DNAJC11: variants seen among roughly 807,000 people sequenced by gnomAD.
The protein encoded by DNAJC11 is DnaJ heat shock protein family (Hsp40) member C11, also known as dnaJ homolog subfamily C member 11.
In DNAJC11, 15 loss-of-function variants were observed where a neutral mutation model predicts 78.6. That is an observed-to-expected ratio of 0.19 (90% confidence interval 0.13 to 0.29). The LOEUF (loss-of-function observed/expected upper bound fraction) is 0.29, where lower values mean the gene tolerates loss of function less well. Among genes scored for constraint, DNAJC11 ranks in the 10% least tolerant of loss-of-function variants. The pLI is 1.00. For missense variants in DNAJC11, 547 were observed against 709.6 expected (o/e 0.77, Z 2.60); for synonymous variants, 292 against 272.1 (o/e 1.07, Z -0.72).
intron 3 of DNAJC11, among the ~76,000 whole-genome samples, chr1:6,668,497 C>G (rs193083718): frequency 2.0e-5 from 3 of 152,118 alleles, no homozygotes; most frequent in Non-Finnish European, 2.9e-5. Context: ...TGTTAAATAT[C>G]AAGACGAAGG....
intron 1 of DNAJC11, among the ~76,000 whole-genome samples, chr1:6,681,968 T>G (rs935254267): frequency 2.0e-5 from 3 of 151,940 alleles, no homozygotes; most frequent in African/African-American, 7.3e-5. Context: ...TCCCCACCAT[T>G]TTGACAACTG....
chr1:6,647,078 GTCTT>G (rs1307595999), intron 7 of DNAJC11, among the ~76,000 whole-genome samples: 3 of 118,426 alleles, frequency 2.5e-5, no homozygotes, highest in Non-Finnish European at 5.1e-5. Context: ...GCCTGGACAG[GTCTT>G]TTTTTTTTTT....
At chr1:6,681,813 G>A (rs1189055511) in intron 1 of DNAJC11, among the ~76,000 whole-genome samples, 2 of 152,146 alleles carry the variant, frequency 1.3e-5, no homozygotes, top group African/African-American at 2.4e-5. Context: ...GACACTGAGC[G>A]GGCTATGTGG....
chr1:6,680,774 T>C lies in DNAJC11; in HGVS notation c.202+134A>G. The C allele has an allele frequency of 9.5e-7, 1 of 1,054,516 alleles. No individual in the cohort carries two copies. The highest frequency in any genetic ancestry group is 1.3e-6 in the Non-Finnish European group (1 of 745,450). The allele number at this position is 1,054,516 out of a possible 1,614,324, so 65.3% of individuals were successfully genotyped here. On this transcript the variant is annotated intron_variant, in intron 2 of 15. Coordinates refer to ENST00000377577, the MANE Select transcript of DNAJC11 (RefSeq NM_018198.4). This position sits in a 1 kb window ranked among gnomAD's most constrained non-coding sequence, Gnocchi z 4.0. ...CTATTCTTTCAAAGGACCCTGTCAG[T>C]GAAAAGTACTAAACTAACCACCTGT...
chr1:6,641,018 TGAC>T (rs1641866686), intron 10 of DNAJC11, among the ~76,000 whole-genome samples: 1 of 152,160 alleles, frequency 6.6e-6, no homozygotes, highest in Non-Finnish European at 1.5e-5. Context: ...GAGTAGCCAC[TGAC>T]AATACCTGAT....
chr1:6,637,822 G>A (rs1456760994), intron 12 of DNAJC11: 2 of 483,248 alleles, frequency 4.1e-6, no homozygotes, highest in Non-Finnish European at 7.4e-6. Flanking sequence ...AAAACAATGC[G>A]TTGTCAGCTT....
At chr1:6,650,070 G>A (rs1287520949) in intron 7 of DNAJC11, among the ~76,000 whole-genome samples, 1 of 144,088 alleles carries the variant, frequency 6.9e-6, no homozygotes. Context: ...GATCACCTGA[G>A]GTCAGGAGTT....
intron 1 of DNAJC11, among the ~76,000 whole-genome samples, chr1:6,687,959 AAAAAC>A (rs935108491): frequency 1.3e-5 from 2 of 152,244 alleles, no homozygotes; most frequent in African/African-American, 4.8e-5. Flanking sequence ...TTTAATTGAC[AAAAAC>A]AAAACAAAAC....
intron 1 of DNAJC11, among the ~76,000 whole-genome samples, chr1:6,695,161 AAT>A (rs1233951233): frequency 0.036 from 775 of 21,562 alleles, 1 homozygote; most frequent in Middle Eastern, 0.17. Context: ...AAAAAAAAAA[AAT>A]TTTTTTTTTT....
Position 6,680,808 on chromosome 1 carries a change from C to A in DNAJC11, c.202+100G>T. On this transcript the variant is annotated intron_variant, in intron 2 of 15. Transcript: ENST00000377577. This position sits in a 1 kb window ranked among gnomAD's most constrained non-coding sequence, Gnocchi z 4.0. ...CTAAACTAACCACCTGTTTTATATA[C>A]CTCTAAGGACTCTCTTTTTCTATCC... The A allele has an allele frequency of 6.8e-7, 1 of 1,460,842 alleles. No individual in the cohort carries two copies. The allele number at this position is 1,460,842 out of a possible 1,614,324, so 90.5% of individuals were successfully genotyped here. A position where few individuals can be genotyped will look rare whatever the true frequency, so the allele number is the denominator to read the frequency against.
intron 7 of DNAJC11, among the ~76,000 whole-genome samples, chr1:6,650,035 G>A (rs560052611): frequency 6.6e-6 from 1 of 151,932 alleles, no homozygotes; most frequent in East Asian, 2.0e-4. Flanking sequence ...TGTAATGCCA[G>A]CACTTTGGGA....
intron 3 of DNAJC11, chr1:6,670,312 G>A (rs1283881974): frequency 6.6e-6 from 1 of 152,002 alleles, no homozygotes; most frequent in African/African-American, 2.4e-5. Context: ...CTCTTCTCAT[G>A]GGCTCACACT....
rs149107605 is a variant in DNAJC11, at chr1:6,655,866, G to A, written c.379-1827C>T. On this transcript the variant is annotated intron_variant, in intron 4 of 15. Transcript: ENST00000377577. ...TGCCTGTAATCCCAGCACTTTGGGA[G>A]GCCGAGGCAGGCGGCTCACGAAGTC... 5.0e-3 allele frequency among the ~76,000 whole-genome samples: 754 copies of A among 152,064 alleles called. 6 individuals carry two copies. The highest frequency in any genetic ancestry group is 0.017 in the African/African-American group (702 of 41,476).
Position 6,680,833 on chromosome 1 carries a change from C to A in DNAJC11, c.202+75G>T. ...CCTCTAAGGACTCTCTTTTTCTATCCTCTACAAATCGCACCTCCTAAAAAT... is the reference window on the plus strand; with the variant it reads ...CCTCTAAGGACTCTCTTTTTCTATCATCTACAAATCGCACCTCCTAAAAAT... On this transcript the variant is annotated intron_variant, in intron 2 of 15. Coordinates refer to ENST00000377577, the MANE Select transcript of DNAJC11 (RefSeq NM_018198.4). The surrounding 1 kb of genome is among the most constrained non-coding windows in gnomAD (Gnocchi z 4.0). 1 of 1,562,876 alleles carries A rather than the reference C, an allele frequency of 6.4e-7. No individual in the cohort carries two copies. Among genetic ancestry groups the A allele is most frequent in the Non-Finnish European group, 8.7e-7 (1 of 1,147,160 alleles).
At chr1:6,663,701 TGGAG>T (rs1321939281) in intron 4 of DNAJC11, among the ~76,000 whole-genome samples, 4 of 152,166 alleles carry the variant, frequency 2.6e-5, no homozygotes, top group Non-Finnish European at 5.9e-5. Flanking sequence ...CAGTTCAATG[TGGAG>T]GGCCCTAAAG....
chr1:6,693,361 A>G lies in DNAJC11; in HGVS notation c.72+8368T>C, dbSNP rs1053458580. 3.3e-5 allele frequency among the ~76,000 whole-genome samples: 5 copies of G among 152,228 alleles called. No homozygotes were observed. The Middle Eastern group carries it at 0.01, about 311-fold the overall frequency. On this transcript the variant is annotated intron_variant, in intron 1 of 15. Transcript: ENST00000377577. ...TTTTTAAATTTATTTATGTACATGT[A>G]TGTCTTTCACATTTTTATTTATTGT...
chr1:6,646,673 T>G (rs1641971432), intron 7 of DNAJC11, among the ~76,000 whole-genome samples: 1 of 152,160 alleles, frequency 6.6e-6, no homozygotes, highest in African/African-American at 2.4e-5. Context: ...CTCTGCAGTT[T>G]CTTTCCAAGG....
intron 7 of DNAJC11, among the ~76,000 whole-genome samples, chr1:6,649,294 C>G (rs377462453): frequency 6.6e-6 from 1 of 152,206 alleles, no homozygotes; most frequent in South Asian, 2.1e-4. Context: ...CTCAGCCTCC[C>G]GAGTAGCTGG....
At chr1:6,701,385 G>C (rs146200481) in intron 1 of DNAJC11, among the ~76,000 whole-genome samples, 1 of 152,304 alleles carries the variant, frequency 6.6e-6, no homozygotes, top group Non-Finnish European at 1.5e-5. Context: ...GGCTGAGCGC[G>C]AGACGGGGTC....
Sources: gnomAD v4.1 joint callset for allele counts (sites outside exome capture counted in the v4.1 genomes callset) on GRCh38, gnomAD v4.1.1 for gene constraint, Gnocchi (gnomAD v3.1) non-coding constraint, MANE v1.5 for transcripts, NCBI Gene and HGNC (gene_info 2026-07-23, HGNC 2026-07-21) for gene names.